UNK: variants seen among roughly 807,000 people sequenced by gnomAD.
UNK encodes unk zinc finger.
UNK carries 32 observed loss-of-function variants against 97.6 expected under a neutral mutation model. That is an observed-to-expected ratio of 0.33 (90% CI 0.25 to 0.44). UNK has a LOEUF of 0.44. Ranked by LOEUF, UNK falls within the 20% of genes least tolerant of loss-of-function variation. The pLI, the probability that UNK is intolerant of heterozygous loss-of-function variation, is 1.00. For synonymous variants in UNK, 441 were observed against 461.2 expected, an observed-to-expected ratio of 0.96 and a Z score of 0.56; for missense variants, 771 against 1,098.4, an observed-to-expected ratio of 0.70 and a Z score of 4.21.
In UNK at chr17:75,823,559, G is replaced by T. The variant is rs369429234; in HGVS notation, c.2277+37G>T. The T allele has an allele frequency of 3.5e-3, 5,185 of 1,496,380 alleles. 32 individuals carry two copies. The highest frequency in any genetic ancestry group is 3.4e-3 in the Middle Eastern group (18 of 5,330). The allele number at this position is 1,496,380 out of a possible 1,614,324, so 92.7% of individuals were successfully genotyped here. On this transcript the variant is annotated intron_variant, in intron 15 of 15. Transcript: ENST00000589666. Reference sequence around the variant, plus strand: ...TCGGGGAGCACTGGGTGGGATGCACGGTGGCCTCAGCCAGCTCTTGGACTC... The same window carrying T: ...TCGGGGAGCACTGGGTGGGATGCACTGTGGCCTCAGCCAGCTCTTGGACTC...
chr17:75,811,931 A>C (rs896731107), intron 2 of UNK, among the ~76,000 whole-genome samples, 181 bp from the exon 3 acceptor site: 1 of 152,212 alleles, frequency 6.6e-6, no homozygotes, highest in East Asian at 1.9e-4. Context: ...AGTTGCAGTG[A>C]GCCAAGATCG....
Position 75,818,227 on chromosome 17 carries a change from C to T in UNK, c.1371+59C>T. ...CTGTGGACAGGAGTGGCCCAGAACC[C>T]CAGGAGGCTTCGGGGAGTGGGAGGC... On this transcript the variant is annotated intron_variant, in intron 10 of 15. Transcript: ENST00000589666. The surrounding 1 kb of genome is among the most constrained non-coding windows in gnomAD (Gnocchi z 5.1). The T allele has an allele frequency of 6.3e-7, 1 of 1,594,940 alleles. No homozygotes were observed.
At chr17:75,788,751 GGT>G (rs993176822) in intron 1 of UNK, among the ~76,000 whole-genome samples, 1 of 152,004 alleles carries the variant, frequency 6.6e-6, no homozygotes, top group African/African-American at 2.4e-5. Flanking sequence ...CACCCAGGCT[GGT>G]GTACAGTGGC....
intron 13 of UNK, chr17:75,821,156 ATCCT>A: frequency 3.3e-6 from 1 of 304,166 alleles, no homozygotes; most frequent in Non-Finnish European, 6.6e-6. Flanking sequence ...AGCTCAGGTA[ATCCT>A]TCCACATCAG....
At position 75,818,241 on chromosome 17, in the gene UNK, G is replaced by A; in HGVS notation, c.1371+73G>A. 1 of 1,537,094 alleles carries A rather than the reference G, an allele frequency of 6.5e-7. No homozygotes were observed. Among genetic ancestry groups the A allele is most frequent in the South Asian group, 1.1e-5 (1 of 87,290 alleles). ...GGCCCAGAACCCCAGGAGGCTTCGG[G>A]GAGTGGGAGGCACCACTTTTCCCAA... On this transcript the variant is annotated intron_variant, in intron 10 of 15. Transcript: ENST00000589666. The surrounding 1 kb of genome is among the most constrained non-coding windows in gnomAD (Gnocchi z 5.1).
rs1057209735 is a variant in UNK at position 75,816,584 on chromosome 17, C to T, written c.962-186C>T. On this transcript the variant is annotated intron_variant, in intron 7 of 15. Transcript: ENST00000589666. The surrounding 1 kb of genome is among the most constrained non-coding windows in gnomAD (Gnocchi z 4.0). ...TGGTCACCATGAAGATTCACAATTA[C>T]TGCAAAGTGCTGGCACAGTGCCTGG... Among the ~76,000 whole-genome samples, 2 of 152,238 alleles carry T rather than the reference C, an allele frequency of 1.3e-5. No individual in the cohort carries two copies. Among genetic ancestry groups the T allele is most frequent in the African/African-American group, 4.8e-5 (2 of 41,466 alleles).
Position 75,822,328 on chromosome 17 carries a change from G to T in UNK, c.1838-149G>T, listed in dbSNP as rs1365668229. The T allele has an allele frequency of 3.1e-6, 3 of 970,352 alleles. No homozygotes were observed. In the African/African-American group the frequency reaches 5.0e-5, roughly 16 times the overall value. 60.1% of individuals were successfully genotyped at this position (970,352 alleles called of 1,614,324 possible). On this transcript the variant is annotated intron_variant, in intron 13 of 15. Coordinates refer to ENST00000589666, the MANE Select transcript of UNK (RefSeq NM_001080419.3). ...CCACCTGCACCTTCACAGCCTTCCT[G>T]TCCCTGCAAAATTCTCTGGCCTGAC... is the stretch of plus-strand genomic sequence containing the variant.
In UNK at chr17:75,809,811, A is replaced by G; in HGVS notation, c.156A>G (p.Lys52=). ...AGTGCCCACTCTTTGTGCAACACAA[A>G]TGCACGCAGCATCGGCCCTACACCT... ...TEQCPLFVQH[K]CTQHRPYTCF... Residue 52 remains lysine, a synonymous_variant, in exon 2 of 16, where the codon AAA becomes AAG. Transcript: ENST00000589666. The G allele has an allele frequency of 6.2e-7, 1 of 1,613,540 alleles. No individual in the cohort carries two copies. The highest frequency in any genetic ancestry group is 1.3e-5 in the African/African-American group (1 of 75,062).
intron 5 of UNK, among the ~76,000 whole-genome samples, 165 bp from the exon 6 acceptor site, chr17:75,813,596 G>A (rs537895845): frequency 1.3e-5 from 2 of 152,300 alleles, no homozygotes; most frequent in East Asian, 3.9e-4. Flanking sequence ...GGCCAGGCTG[G>A]GTCAGAGAAA....
intron 1 of UNK, among the ~76,000 whole-genome samples, chr17:75,794,652 A>T (rs1275584473): frequency 6.6e-6 from 1 of 151,896 alleles, no homozygotes; most frequent in East Asian, 1.9e-4. Context: ...AAAAAAAAAA[A>T]ATGCTTAGTT....
At chr17:75,821,052 GTT>G (rs35420891) in intron 13 of UNK, among the ~76,000 whole-genome samples, 2 of 147,366 alleles carry the variant, frequency 1.4e-5, no homozygotes, top group Non-Finnish European at 3.0e-5. Context: ...GATAGGATCT[GTT>G]TTTTTTTTTT....
intron 1 of UNK, among the ~76,000 whole-genome samples, chr17:75,806,462 CA>C (rs113892974): frequency 1.1e-3 from 144 of 126,464 alleles, no homozygotes; most frequent in Admixed American, 1.2e-3. Context: ...GACTCCGTCT[CA>C]AAAAAAAAAA....
At chr17:75,787,220 T>G (rs1462771517) in intron 1 of UNK, among the ~76,000 whole-genome samples, 2 of 151,968 alleles carry the variant, frequency 1.3e-5, no homozygotes, top group Non-Finnish European at 2.9e-5. Context: ...CTGATTTTTC[T>G]TTTTCTTTTT....
Position 75,823,475 on chromosome 17 carries a change from T to C in UNK, c.2230T>C (p.Tyr744His). The C allele has an allele frequency of 6.3e-7, 1 of 1,575,272 alleles. No individual in the cohort carries two copies. The highest frequency in any genetic ancestry group is 8.7e-7 in the Non-Finnish European group (1 of 1,155,898). The change falls in exon 15 of 16, where the codon TAC (tyrosine) becomes CAC (histidine). Residue 744 changes from tyrosine to histidine, a missense_variant. This residue lies in a region of UNK where 208 missense variants were observed against 257.4 expected (regional missense o/e 0.81). Transcript: ENST00000589666. ...GGAGGCGCTCTCACTCTCCACCCTCTACTCCCTCCAGAAACAACTGCGGGC... is the reference window on the plus strand; with the variant it reads ...GGAGGCGCTCTCACTCTCCACCCTCCACTCCCTCCAGAAACAACTGCGGGC... ...DLEALSLSTL[Y>H]SLQKQLRAHL...
At chr17:75,786,017 A>G (rs1457094470) in intron 1 of UNK, 5 of 152,248 alleles carry the variant, frequency 3.3e-5, no homozygotes, top group African/African-American at 4.8e-5. Context: ...CAAACCAGTC[A>G]GGAGGAACTC....
At position 75,809,984 on chromosome 17, in the gene UNK, C is replaced by A. The variant is rs769605492; in HGVS notation, c.314+15C>A. On this transcript the variant is annotated intron_variant, in intron 2 of 15. Transcript: ENST00000589666. ...GAGGGCGACGAGTGAGTGACCCAGC[C>A]TGTCCTCAGAGGAGCCCCGTGTCTC... The A allele has an allele frequency of 6.2e-7, 1 of 1,613,186 alleles. No homozygotes were observed. The highest frequency in any genetic ancestry group is 1.7e-5 in the Admixed American group (1 of 60,018).
At position 75,819,793 on chromosome 17, in the gene UNK, G is replaced by A. The variant is rs2062049759; in HGVS notation, c.1648+8G>A. 2 of 1,613,606 alleles carry A rather than the reference G, an allele frequency of 1.2e-6. No individual in the cohort carries two copies. Among genetic ancestry groups the A allele is most frequent in the African/African-American group, 1.3e-5 (1 of 74,938 alleles). On this transcript the variant is annotated splice_region_variant and intron_variant, in intron 12 of 15. Coordinates refer to ENST00000589666, the MANE Select transcript of UNK (RefSeq NM_001080419.3). This position sits in a 1 kb window ranked among gnomAD's most constrained non-coding sequence, Gnocchi z 5.4. ...CAGGAAGCATCACCATCGGTACTGGGTGTGGGTGGGCAGGGCAGCCTGGAG... is the reference window on the plus strand; with the variant it reads ...CAGGAAGCATCACCATCGGTACTGGATGTGGGTGGGCAGGGCAGCCTGGAG...
chr17:75,810,170 A>C (rs1170848889), intron 2 of UNK, among the ~76,000 whole-genome samples: 1 of 152,084 alleles, frequency 6.6e-6, no homozygotes, highest in African/African-American at 2.4e-5. Flanking sequence ...CTTTTAGGAA[A>C]CCTAAGACAG....
intron 1 of UNK, among the ~76,000 whole-genome samples, chr17:75,787,476 T>TC (rs1398444790): frequency 1.3e-5 from 2 of 150,746 alleles, no homozygotes; most frequent in Non-Finnish European, 3.0e-5. Context: ...GGCCTTGGCC[T>TC]CCCAAAGTGC....
Sources: allele counts gnomAD v4.1 joint callset (sites outside exome capture counted in the v4.1 genomes callset), GRCh38; gene constraint gnomAD v4.1.1; regional missense constraint gnomAD v4.1.1; non-coding constraint Gnocchi (gnomAD v3.1); transcripts MANE v1.5; gene names NCBI Gene and HGNC (gene_info 2026-07-23, HGNC 2026-07-21).